Variants in GRIK2 observed in about 807,000 individuals in gnomAD.
The protein encoded by GRIK2 is glutamate receptor ionotropic, kainate 2.
A neutral mutation model predicts 100.3 loss-of-function variants in GRIK2; 32 were observed. That is an observed-to-expected ratio of 0.32 (90% CI 0.24 to 0.43). The LOEUF (loss-of-function observed/expected upper bound fraction) is 0.43. Ranked by LOEUF, GRIK2 falls within the 20% of genes least tolerant of loss-of-function variation. GRIK2 has a pLI of 1.00. For missense variants in GRIK2, 843 were observed against 1,114.9 expected (o/e 0.76, Z 3.47); for synonymous variants, 417 against 389.4 (o/e 1.07, Z -0.83).
At chr6:101,605,824 A>G (rs1014414152) in intron 2 of GRIK2, among the ~76,000 whole-genome samples, 1 of 152,064 alleles carries the variant, frequency 6.6e-6, no homozygotes, top group African/African-American at 2.4e-5. Context: ...CTAACCTTGA[A>G]TAAAAGCCAT....
At chr6:101,510,776 C>G (rs892044953) in intron 2 of GRIK2, among the ~76,000 whole-genome samples, 2 of 151,848 alleles carry the variant, frequency 1.3e-5, no homozygotes, top group Admixed American at 6.6e-5. Flanking sequence ...CCTGCCTCAG[C>G]CTCCCAAAGT....
In GRIK2 at chr6:101,983,343, T is replaced by G. The variant is rs144157711; in HGVS notation, c.2086-51998T>G. Among the ~76,000 whole-genome samples, 1,250 of 151,970 alleles carry G rather than the reference T, an allele frequency of 8.2e-3. 7 individuals are homozygous for G. Among genetic ancestry groups the G allele is most frequent in the Admixed American group, 0.02 (301 of 15,216 alleles). The stretch of plus-strand genomic sequence containing the variant: ...TGTTAGTTTAAGCATTTAATCTTAA[T>G]TCTGCCATACCAATCTTGAGTAGAC... On this transcript the variant is annotated intron_variant, in intron 14 of 16. Transcript: ENST00000369134.
intron 2 of GRIK2, among the ~76,000 whole-genome samples, chr6:101,595,710 G>GTATATATATATATATA (rs1380908125): frequency 8.7e-5 from 11 of 125,960 alleles, no homozygotes; most frequent in African/African-American, 3.5e-4. Flanking sequence ...GTGTGTGTGT[G>GTATATATATATATATA]TGTGTGTGTA....
chr6:101,933,361 A>T (rs1432344756), intron 14 of GRIK2, among the ~76,000 whole-genome samples: 2 of 151,422 alleles, frequency 1.3e-5, no homozygotes, highest in African/African-American at 2.4e-5. Context: ...TTGCTGTTGT[A>T]CTGATTACTC....
chr6:101,949,527 G>A (rs1194262163), intron 14 of GRIK2, among the ~76,000 whole-genome samples: 1 of 151,722 alleles, frequency 6.6e-6, no homozygotes, highest in East Asian at 1.9e-4. Context: ...ATCCCCAACC[G>A]GCCCCAGTGT....
intron 4 of GRIK2, among the ~76,000 whole-genome samples, chr6:101,652,104 G>T (rs7761338): frequency 0.16 from 24,608 of 152,100 alleles, 2,105 homozygotes; most frequent in African/African-American, 0.2. Flanking sequence ...AGTTTCCGTG[G>T]AGTGATGGAG....
intron 14 of GRIK2, among the ~76,000 whole-genome samples, chr6:102,030,614 A>G (rs1769936032): frequency 1.3e-5 from 2 of 151,142 alleles, no homozygotes; most frequent in Admixed American, 1.3e-4. Flanking sequence ...ACTACAAGGG[A>G]CCACTTCCTC....
At chr6:101,458,870 TC>T (rs1261743889) in intron 2 of GRIK2, among the ~76,000 whole-genome samples, 1 of 152,208 alleles carries the variant, frequency 6.6e-6, no homozygotes, top group Non-Finnish European at 1.5e-5. Context: ...TGACTTTTAA[TC>T]CATGAGAATA....
At chr6:101,861,569 C>T (rs1013587700) in intron 11 of GRIK2, among the ~76,000 whole-genome samples, 10 of 151,928 alleles carry the variant, frequency 6.6e-5, no homozygotes, top group Middle Eastern at 3.4e-3. Flanking sequence ...ATTCACTGTT[C>T]GATCAACAAT....
At chr6:101,608,073 T>A (rs928530836) in intron 2 of GRIK2, among the ~76,000 whole-genome samples, 3 of 151,960 alleles carry the variant, frequency 2.0e-5, no homozygotes, top group Non-Finnish European at 4.4e-5. Context: ...TACTGGTTAG[T>A]ACTTGGTTAT....
At chr6:101,509,962 A>AT (rs571987794) in intron 2 of GRIK2, among the ~76,000 whole-genome samples, 198 of 152,220 alleles carry the variant, frequency 1.3e-3, no homozygotes, top group Non-Finnish European at 2.3e-3. Context: ...ATGTAGTTTG[A>AT]TTTTTTGCTA....
intron 2 of GRIK2, among the ~76,000 whole-genome samples, chr6:101,420,094 T>A (rs370015932): frequency 5.9e-5 from 9 of 152,318 alleles, no homozygotes; most frequent in Admixed American, 1.3e-4. Flanking sequence ...AGATGGCAGG[T>A]ACAATGCAAG....
chr6:101,464,549 A>G (rs1243506293), intron 2 of GRIK2, among the ~76,000 whole-genome samples: 1 of 95,544 alleles, frequency 1.0e-5, no homozygotes, highest in Non-Finnish European at 1.9e-5. Flanking sequence ...ACAGAGTCTC[A>G]CTCTGTCGCC....
intron 4 of GRIK2, among the ~76,000 whole-genome samples, chr6:101,674,188 G>A (rs1770653070): frequency 6.6e-6 from 1 of 152,072 alleles, no homozygotes; most frequent in South Asian, 2.1e-4. Flanking sequence ...CCTAAAACCA[G>A]GTGAAACCAG....
intron 11 of GRIK2, among the ~76,000 whole-genome samples, chr6:101,862,656 C>T (rs1156755690): frequency 1.3e-5 from 2 of 151,970 alleles, no homozygotes; most frequent in East Asian, 3.9e-4. Context: ...AACTTTTGGA[C>T]TCCAGGGATC....
intron 10 of GRIK2, among the ~76,000 whole-genome samples, chr6:101,829,407 A>G (rs1231640335): frequency 6.6e-6 from 1 of 151,990 alleles, no homozygotes; most frequent in East Asian, 1.9e-4. Context: ...CATTCAGGCA[A>G]CAGAAAGAAA....
chr6:101,891,663 A>G (rs1787108793), intron 12 of GRIK2: 1 of 362,036 alleles, frequency 2.8e-6, no homozygotes, highest in African/African-American at 2.2e-5. Context: ...TCAGATAATT[A>G]TTATTTGCAT....
At chr6:101,949,675 G>A (rs1316260585) in intron 14 of GRIK2, among the ~76,000 whole-genome samples, 1 of 152,098 alleles carries the variant, frequency 6.6e-6, no homozygotes, top group Admixed American at 6.6e-5. Flanking sequence ...CCCTGCAAAG[G>A]ACATAAACTC....
chr6:101,844,951 C>G (rs1783720689), intron 10 of GRIK2, among the ~76,000 whole-genome samples: 1 of 151,976 alleles, frequency 6.6e-6, no homozygotes, highest in Non-Finnish European at 1.5e-5. Flanking sequence ...TTTCATAACC[C>G]CTAAAGAAAA....
Sources: gnomAD v4.1 joint callset for allele counts (sites outside exome capture counted in the v4.1 genomes callset) on GRCh38, gnomAD v4.1.1 for gene constraint, MANE v1.5 for transcripts, NCBI Gene and HGNC (gene_info 2026-07-23, HGNC 2026-07-21) for gene names.